Variants in MAP7D2 observed in about 807,000 individuals in gnomAD.
MAP7D2 encodes MAP7 domain-containing protein 2.
Under a neutral mutation model 63.5 loss-of-function variants are expected in MAP7D2, and 33 were observed. That is an observed-to-expected ratio of 0.52 (90% CI 0.39 to 0.70). The LOEUF is 0.70. Among genes scored for constraint, MAP7D2 ranks in the 30% least tolerant of loss-of-function variants. The probability of loss-of-function intolerance (pLI) is 0.00; values close to 1 mark genes in which losing one functional copy is unlikely to be tolerated. For synonymous variants in MAP7D2, 224 were observed against 223.7 expected (o/e 1.00, Z -0.01); for missense variants, 626 against 604.0 (o/e 1.04, Z -0.38).
In MAP7D2 at chrX:20,050,803, TA is replaced by T; in HGVS notation, c.718+20del. ...CCTCTTCGGGCATTTTCCTTGGTGT[TA>T]CCAGCTTAGCCTCTTTTACCTGAAT... On this transcript the variant is annotated intron_variant, in intron 6 of 16. Coordinates refer to ENST00000379643, the MANE Select transcript of MAP7D2 (RefSeq NM_001168465.2). 1 of 1,164,289 alleles carries T rather than the reference TA, an allele frequency of 8.6e-7. No individual in the cohort carries two copies. Among genetic ancestry groups the T allele is most frequent in the Non-Finnish European group, 1.1e-6 (1 of 873,723 alleles).
intron 1 of MAP7D2, among the ~76,000 whole-genome samples, chrX:20,086,166 G>A (rs942719759): frequency 8.9e-6 from 1 of 112,131 alleles, no homozygotes; most frequent in Non-Finnish European, 1.9e-5. Flanking sequence ...AGGTGTGGCC[G>A]GTCCTTCTCA....
Position 20,025,884 on chromosome X carries a change from T to G in MAP7D2, c.1076A>C (p.Lys359Thr). 1 of 1,211,816 alleles carries G rather than the reference T, an allele frequency of 8.3e-7. No homozygotes were observed. The highest frequency in any genetic ancestry group is 1.1e-6 in the Non-Finnish European group (1 of 895,461). The change falls in exon 9 of 17, where the codon AAG becomes ACG. Residue 359 changes from lysine to threonine, a missense_variant. Physicochemically the swap from Lys to Thr is moderately conservative, Grantham distance 78. Coordinates refer to ENST00000379643, the MANE Select transcript of MAP7D2 (RefSeq NM_001168465.2). ...GCCAGAAAGGGCAGGTAAGCGGTAC[T>G]TCACAGGAGACCCTGGGTAGGGAGG... ...TKPPYPGSPV[K>T]YRLPALSGQD...
intron 16 of MAP7D2, among the ~76,000 whole-genome samples, chrX:20,009,434 C>T (rs780633831): frequency 9.0e-6 from 1 of 110,942 alleles, no homozygotes; most frequent in South Asian, 3.8e-4. Context: ...GAAGCCAAGG[C>T]AGGCAGATTA....
rs755564305 is a variant in MAP7D2, at chrX:20,067,909, G to A, written c.131-3104C>T. Among the ~76,000 whole-genome samples the A allele has an allele frequency of 8.0e-5, 9 of 112,207 alleles. No individual in the cohort carries two copies. In the East Asian group the frequency reaches 2.5e-3, roughly 31 times the overall value. ...CGCTGGCCCAGCTGGACACAGATGT[G>A]GCTCCTGTCCAGGCAGGCTAATTAG... On this transcript the variant is annotated intron_variant, in intron 1 of 16. Transcript: ENST00000379643.
At chrX:20,067,236 C>A (rs755143584) in intron 1 of MAP7D2, among the ~76,000 whole-genome samples, 11 of 111,313 alleles carry the variant, frequency 9.9e-5, no homozygotes, top group Non-Finnish European at 1.7e-4. Context: ...TGGCTGAAAG[C>A]GCTCTTCAAA....
chrX:20,107,724 T>A (rs974983968), intron 1 of MAP7D2, among the ~76,000 whole-genome samples: 3 of 112,217 alleles, frequency 2.7e-5, no homozygotes, highest in Admixed American at 9.5e-5. Context: ...GCTAGCATTC[T>A]GTTTGTATTA....
intron 1 of MAP7D2, among the ~76,000 whole-genome samples, chrX:20,080,735 A>T (rs752741750): frequency 2.0e-4 from 22 of 111,553 alleles, no homozygotes; most frequent in African/African-American, 7.2e-4. Flanking sequence ...CCCCATGGAG[A>T]TCGCGCCCAC....
chrX:20,027,692 GGAGA>G (rs993492866), intron 8 of MAP7D2, among the ~76,000 whole-genome samples: 3 of 106,267 alleles, frequency 2.8e-5, no homozygotes, highest in African/African-American at 1.0e-4. Flanking sequence ...AGGGAGAGAG[GGAGA>G]GAGAAAGAGA....
intron 8 of MAP7D2, among the ~76,000 whole-genome samples, chrX:20,032,011 G>C (rs1490642698): frequency 9.0e-6 from 1 of 111,679 alleles, no homozygotes; most frequent in Non-Finnish European, 1.9e-5. Context: ...GACTGAGTGA[G>C]GGTGATAGGG....
intron 8 of MAP7D2, among the ~76,000 whole-genome samples, chrX:20,041,495 G>A (rs980476508): frequency 1.2e-4 from 13 of 112,013 alleles, no homozygotes; most frequent in African/African-American, 4.2e-4. Context: ...TAGTGAAAAA[G>A]TCTCTATTAG....
intron 1 of MAP7D2, among the ~76,000 whole-genome samples, chrX:20,084,460 T>G (rs1303130719): frequency 9.0e-6 from 1 of 111,541 alleles, no homozygotes; most frequent in East Asian, 2.8e-4. Flanking sequence ...AGAGAATTAG[T>G]AAACTTCTGA....
chrX:20,084,654 C>T (rs1257362358), intron 1 of MAP7D2, among the ~76,000 whole-genome samples: 2 of 106,691 alleles, frequency 1.9e-5, no homozygotes, highest in Non-Finnish European at 1.9e-5. Flanking sequence ...CTGCAACCTC[C>T]GCCTCCCTGG....
In MAP7D2 at chrX:20,093,611, C is replaced by A. The variant is rs755604907; in HGVS notation, c.130+23139G>T. 4.5e-5 allele frequency among the ~76,000 whole-genome samples: 5 copies of A among 110,639 alleles called. No homozygotes were observed. The East Asian group carries it at 1.1e-3, about 25-fold the overall frequency. ...GGCAGAGGTTGTAGCGAGCCATGAT[C>A]GCGCCACTGCACTCCAGCCTGGGTG... is the stretch of plus-strand genomic sequence containing the variant. On this transcript the variant is annotated intron_variant, in intron 1 of 16. Coordinates refer to ENST00000379643, the MANE Select transcript of MAP7D2 (RefSeq NM_001168465.2).
chrX:20,087,870 ATTTCT>A (rs1343596567), intron 1 of MAP7D2, among the ~76,000 whole-genome samples: 23 of 84,946 alleles, frequency 2.7e-4, no homozygotes, highest in Non-Finnish European at 3.7e-4. Context: ...CCAGCAACTA[ATTTCT>A]TTTCTTTTTT....
At chrX:20,015,013 C>G (rs7054427) in intron 12 of MAP7D2, among the ~76,000 whole-genome samples, 42,098 of 110,697 alleles carry the variant, frequency 0.38, 9,023 homozygotes, top group African/African-American at 0.83. Flanking sequence ...CACCATGCCT[C>G]GCTACAGATG....
intron 1 of MAP7D2, among the ~76,000 whole-genome samples, chrX:20,088,716 G>A (rs1047503195): frequency 9.1e-6 from 1 of 109,899 alleles, no homozygotes; most frequent in African/African-American, 3.3e-5. Flanking sequence ...TTGAAGAAAA[G>A]AAGATTTAAT....
chrX:20,106,738 C>T (rs1475172044), intron 1 of MAP7D2, among the ~76,000 whole-genome samples: 1 of 111,990 alleles, frequency 8.9e-6, no homozygotes, highest in Non-Finnish European at 1.9e-5. Flanking sequence ...TCATTAATAA[C>T]GTTTAATATT....
At chrX:20,077,375 C>T (rs990319765) in intron 1 of MAP7D2, among the ~76,000 whole-genome samples, 5 of 111,512 alleles carry the variant, frequency 4.5e-5, no homozygotes, top group African/African-American at 1.6e-4. Context: ...ATTGCTTGAA[C>T]CTGGGAGGTG....
At chrX:20,014,551 G>C (rs1342886611) in intron 12 of MAP7D2, among the ~76,000 whole-genome samples, 2 of 110,920 alleles carry the variant, frequency 1.8e-5, no homozygotes, top group African/African-American at 3.3e-5. Context: ...ATGGGCAATA[G>C]AGTGAGACTG....
Sources: allele counts gnomAD v4.1 joint callset (sites outside exome capture counted in the v4.1 genomes callset), GRCh38; gene constraint gnomAD v4.1.1; transcripts MANE v1.5; gene names NCBI Gene and HGNC (gene_info 2026-07-23, HGNC 2026-07-21).